Variants in TTLL5 observed in about 807,000 individuals in gnomAD.
The protein encoded by TTLL5 is tubulin tyrosine ligase like 5.
A neutral mutation model predicts 168.4 loss-of-function variants in TTLL5; 132 were observed. The ratio of observed to expected loss-of-function variants is 0.78; its 90% CI spans 0.68 to 0.91. The LOEUF (loss-of-function observed/expected upper bound fraction) is 0.91, where lower values mean the gene tolerates loss of function less well. Ranked by LOEUF, TTLL5 falls within the 40% of genes least tolerant of loss-of-function variation. The pLI is 0.00. For missense variants in TTLL5, 1,545 were observed against 1,581.5 expected (o/e 0.98, Z 0.39); for synonymous variants, 546 against 558.6 (o/e 0.98, Z 0.32).
chr14:75,868,422 T>C (rs752630536), intron 29 of TTLL5, among the ~76,000 whole-genome samples: 2 of 152,196 alleles, frequency 1.3e-5, no homozygotes, highest in African/African-American at 2.4e-5. Flanking sequence ...AGGAGAAAAC[T>C]GTGCGTCCTA....
chr14:75,917,176 T>C (rs985856859), intron 31 of TTLL5, among the ~76,000 whole-genome samples: 2 of 152,226 alleles, frequency 1.3e-5, no homozygotes, highest in South Asian at 2.1e-4. Flanking sequence ...GTTAGGATGG[T>C]AAAGTTTATG....
At chr14:75,953,434 G>A (rs1302782201) in intron 31 of TTLL5, among the ~76,000 whole-genome samples, 1 of 152,216 alleles carries the variant, frequency 6.6e-6, no homozygotes, top group African/African-American at 2.4e-5. Context: ...GAGATTGCAT[G>A]TGTAATCACA....
Position 75,735,239 on chromosome 14 carries a change from A to G in TTLL5, c.1231A>G (p.Ile411Val), listed in dbSNP as rs751880434. ...DPAQRASTRP[I>V]YPTFESSRRN... is the part of the protein sequence containing the mutation. ...TGCCCAGCGGGCATCAACTCGGCCA[A>G]TTTATCCCACCTTTGAGTCTTCCAG... The change falls in exon 15 of 32, where the codon ATT becomes GTT. Residue 411 changes from isoleucine (I) to valine (V), a missense_variant. Ile to Val is a conservative substitution (Grantham distance 29). Transcript: ENST00000298832. 12 of 1,614,184 alleles carry G rather than the reference A, an allele frequency of 7.4e-6. 1 individual carries two copies. Among genetic ancestry groups the G allele is most frequent in the East Asian group, 4.5e-5 (2 of 44,886 alleles).
chr14:75,813,284 GT>G (rs1860317392), intron 27 of TTLL5, among the ~76,000 whole-genome samples: 6 of 105,448 alleles, frequency 5.7e-5, no homozygotes, highest in African/African-American at 2.6e-4. Context: ...GTGTGTGTGT[GT>G]GTGTGTGTGT....
chr14:75,865,855 C>T (rs372389908), intron 29 of TTLL5, among the ~76,000 whole-genome samples: 74 of 152,228 alleles, frequency 4.9e-4, no homozygotes, highest in African/African-American at 1.7e-3. Context: ...TCTGTTTTAG[C>T]GAGGAGGCAG....
chr14:75,731,215 C>CTCTG (rs1004176991), intron 12 of TTLL5, among the ~76,000 whole-genome samples: 11 of 152,002 alleles, frequency 7.2e-5, no homozygotes, highest in Admixed American at 7.2e-4. Context: ...TGGGTGTGAG[C>CTCTG]TCTGGTCTGT....
intron 27 of TTLL5, among the ~76,000 whole-genome samples, chr14:75,797,321 G>A (rs1053234591): frequency 4.6e-5 from 7 of 151,954 alleles, no homozygotes; most frequent in African/African-American, 1.7e-4. Context: ...GGAGCTTTTT[G>A]GGTGAACCTT....
At position 75,902,388 on chromosome 14, in the gene TTLL5, A is replaced by T. The variant is rs973928493; in HGVS notation, c.3823+164A>T. The T allele has an allele frequency of 4.0e-5, 31 of 772,460 alleles. No homozygotes were observed. In the Admixed American group the frequency reaches 6.1e-4, roughly 15 times the overall value. 47.9% of individuals were successfully genotyped at this position (772,460 alleles called of 1,614,324 possible). Reference sequence around the variant, plus strand: ...GCATTTTTGTTGCATTCTTCTTTAAAATAGTCTTGGCAGCCTAAAATAGGC... The same window carrying T: ...GCATTTTTGTTGCATTCTTCTTTAATATAGTCTTGGCAGCCTAAAATAGGC... On this transcript the variant is annotated intron_variant, in intron 31 of 31. Transcript: ENST00000298832.
chr14:75,817,658 C>T (rs185732578), intron 27 of TTLL5, among the ~76,000 whole-genome samples: 17 of 152,068 alleles, frequency 1.1e-4, no homozygotes, highest in Non-Finnish European at 1.9e-4. Flanking sequence ...ATTTTATAGC[C>T]AAACATTTGC....
At chr14:75,671,494 C>G (rs1883749117) in intron 3 of TTLL5, among the ~76,000 whole-genome samples, 1 of 152,058 alleles carries the variant, frequency 6.6e-6, no homozygotes, top group Non-Finnish European at 1.5e-5. Flanking sequence ...TAGAGTGTTG[C>G]CATCTTAATG....
At chr14:75,889,981 A>G (rs924763833) in intron 30 of TTLL5, among the ~76,000 whole-genome samples, 7 of 152,182 alleles carry the variant, frequency 4.6e-5, no homozygotes, top group African/African-American at 1.7e-4. Flanking sequence ...AGGTAAATTC[A>G]TAATCTTCAT....
chr14:75,720,496 T>A lies in TTLL5; in HGVS notation c.935-100T>A, dbSNP rs201449411. Reference sequence around the variant, plus strand: ...TCTGCCATATAGAGGCTTTTTTGAATGAGCACACATGCTTTTATAGTTATA... The same window carrying A: ...TCTGCCATATAGAGGCTTTTTTGAAAGAGCACACATGCTTTTATAGTTATA... On this transcript the variant is annotated intron_variant, in intron 11 of 31. Transcript: ENST00000298832. The A allele has an allele frequency of 2.2e-4, 194 of 895,052 alleles. 1 individual carries two copies. In the East Asian group the frequency reaches 4.6e-3, roughly 21 times the overall value. 55.4% of individuals were successfully genotyped at this position (895,052 alleles called of 1,614,324 possible). A position where few individuals can be genotyped will look rare whatever the true frequency, so the allele number is the denominator to read the frequency against.
chr14:75,768,616 G>A (rs1423128993), intron 20 of TTLL5, among the ~76,000 whole-genome samples: 3 of 152,138 alleles, frequency 2.0e-5, no homozygotes. Flanking sequence ...CTAAAGGAAG[G>A]TGGGAAGAGG....
chr14:75,823,374 G>T (rs1894943337), intron 28 of TTLL5, among the ~76,000 whole-genome samples: 2 of 152,176 alleles, frequency 1.3e-5, no homozygotes, highest in South Asian at 4.1e-4. Context: ...TTTTCTAGGT[G>T]TGGAGCACTC....
At position 75,950,414 on chromosome 14, in the gene TTLL5, T is replaced by C. The variant is rs765282703; in HGVS notation, c.3824-4010T>C. On this transcript the variant is annotated intron_variant, in intron 31 of 31. Coordinates refer to ENST00000298832, the MANE Select transcript of TTLL5 (RefSeq NM_015072.5). The stretch of plus-strand genomic sequence containing the variant: ...ACCATAAAGGTAAAAACTGATAAAT[T>C]TGACCTGGTTAAAATTAAGAACTTC... Among the ~76,000 whole-genome samples the C allele has an allele frequency of 4.6e-5, 7 of 152,284 alleles. No individual in the cohort carries two copies. The Middle Eastern group carries it at 0.01, about 222-fold the overall frequency.
chr14:75,924,875 C>T (rs989715302), intron 31 of TTLL5, among the ~76,000 whole-genome samples: 3 of 151,724 alleles, frequency 2.0e-5, no homozygotes, highest in Non-Finnish European at 4.4e-5. Flanking sequence ...CAGAGGCGCC[C>T]CTCACCTCCC....
At chr14:75,770,657 C>G (rs1891249349) in intron 20 of TTLL5, among the ~76,000 whole-genome samples, 1 of 152,220 alleles carries the variant, frequency 6.6e-6, no homozygotes, top group Admixed American at 6.5e-5. Flanking sequence ...GTACTTCTGT[C>G]TTCCAAACTA....
At chr14:75,704,718 G>A (rs957025453) in intron 7 of TTLL5, among the ~76,000 whole-genome samples, 6 of 152,172 alleles carry the variant, frequency 3.9e-5, no homozygotes, top group Non-Finnish European at 2.9e-5. Flanking sequence ...AGTCTGTAAC[G>A]CTGTGCAAAG....
At chr14:75,700,434 C>A (rs1251074428) in intron 7 of TTLL5, among the ~76,000 whole-genome samples, 6 of 152,168 alleles carry the variant, frequency 3.9e-5, no homozygotes, top group East Asian at 3.8e-4. Context: ...TCTAGGAACA[C>A]TCGACTGGTA....
Sources: allele counts gnomAD v4.1 joint callset (sites outside exome capture counted in the v4.1 genomes callset), GRCh38; gene constraint gnomAD v4.1.1; transcripts MANE v1.5; gene names NCBI Gene and HGNC (gene_info 2026-07-23, HGNC 2026-07-21).